ADCY9: variants seen among roughly 807,000 people sequenced by gnomAD.
ADCY9 encodes adenylate cyclase type 9.
A neutral mutation model predicts 101.5 loss-of-function variants in ADCY9; 50 were observed. That is an observed-to-expected ratio of 0.49 (90% CI 0.39 to 0.62). ADCY9 has a LOEUF of 0.62. ADCY9 is among the 20% of genes least tolerant of loss of function. The pLI, the probability that ADCY9 is intolerant of heterozygous loss-of-function variation, is 0.00. For missense variants in ADCY9, 1,662 were observed against 1,800.4 expected, an observed-to-expected ratio of 0.92 and a Z score of 1.39; for synonymous variants, 905 against 769.3, an observed-to-expected ratio of 1.18 and a Z score of -2.92.
rs113410021 is a variant in ADCY9, at chr16:3,966,498, C to T, written c.3339G>A (p.Thr1113=). The T allele has an allele frequency of 1.2e-5, 20 of 1,614,028 alleles. No homozygotes were observed. Among genetic ancestry groups the T allele is most frequent in the African/African-American group, 2.7e-5 (2 of 74,928 alleles). ...SIEKIKTIGA[T]YMAASGLNTA... The stretch of plus-strand genomic sequence containing the variant: ...TGTTCAGCCCTGACGCCGCCATGTA[C>T]GTGGCTCCGATGGTCTTGATCTTCT... The change falls in exon 11 of 11, where the codon ACG becomes ACA. Residue 1113 remains threonine, a synonymous_variant. Transcript: ENST00000294016.
chr16:4,014,135 A>G (rs952774785), intron 2 of ADCY9, among the ~76,000 whole-genome samples: 6 of 152,238 alleles, frequency 3.9e-5, no homozygotes, highest in South Asian at 2.1e-4. Context: ...CCTGGCCAAC[A>G]TGGCGAAATC....
chr16:4,067,684 G>C (rs1484521525), intron 2 of ADCY9, among the ~76,000 whole-genome samples: 2 of 152,186 alleles, frequency 1.3e-5, no homozygotes, highest in Non-Finnish European at 2.9e-5. Context: ...GATCAGCACA[G>C]CCTGCAGCTG....
intron 2 of ADCY9, among the ~76,000 whole-genome samples, chr16:4,029,466 G>T (rs540698976): frequency 1.3e-5 from 2 of 152,326 alleles, no homozygotes; most frequent in Admixed American, 1.3e-4. Flanking sequence ...TCAGTAAGAG[G>T]CCAGGCCCGG....
In ADCY9 at chr16:4,114,221, C is replaced by G. The variant is rs1321227540; in HGVS notation, c.1222G>C (p.Ala408Pro). The G allele has an allele frequency of 6.2e-7, 1 of 1,613,830 alleles. No individual in the cohort carries two copies. Among genetic ancestry groups the G allele is most frequent in the Admixed American group, 1.7e-5 (1 of 59,994 alleles). The change falls in exon 2 of 11, where the codon GCC becomes CCC. Residue 408 changes from alanine to proline, a missense_variant. Transcript: ENST00000294016. This position sits in a 1 kb window ranked among gnomAD's most constrained non-coding sequence, Gnocchi z 4.3. ...ACCAGGGCGTGGGCAGACTTGTTGG[C>G]ACTCATCTTGGTGAAGCCCACGATA... ...ADIVGFTKMS[A>P]NKSAHALVGL...
chr16:4,004,251 T>TAAAAAAA (rs71133681), intron 3 of ADCY9, among the ~76,000 whole-genome samples: 3 of 107,712 alleles, frequency 2.8e-5, no homozygotes, highest in Non-Finnish European at 3.5e-5. Context: ...CCCATCTCTT[T>TAAAAAAA]AAAAAAAAAA....
Position 3,992,398 on chromosome 16 carries a change from G to C in ADCY9, c.1990-35C>G, listed in dbSNP as rs115162267. On this transcript the variant is annotated intron_variant, in intron 4 of 10. Transcript: ENST00000294016. The surrounding 1 kb of genome is among the most constrained non-coding windows in gnomAD (Gnocchi z 4.2). The stretch of plus-strand genomic sequence containing the variant: ...GACAAAGAGGACGCAGACACGGGAA[G>C]TGAAGTGGCACCGGGCACTGGGCAC... 12 of 1,597,218 alleles carry C rather than the reference G, an allele frequency of 7.5e-6. No homozygotes were observed. Among genetic ancestry groups the C allele is most frequent in the Admixed American group, 1.7e-5 (1 of 59,568 alleles).
rs557857171 is a variant in ADCY9 at position 4,018,859 on chromosome 16, T to C, written c.1694-11301A>G. ...TTTCTCCTGAGATATCTCTGCTATC[T>C]CTAATTTCACTTCAGCAGCACTGGT... is the stretch of plus-strand genomic sequence containing the variant. On this transcript the variant is annotated intron_variant, in intron 2 of 10. Transcript: ENST00000294016. Among the ~76,000 whole-genome samples the C allele has an allele frequency of 3.3e-5, 5 of 152,230 alleles. No homozygotes were observed. In the South Asian group the frequency reaches 1.0e-3, roughly 32 times the overall value.
rs373275483 is a variant in ADCY9, at chr16:4,011,414, C to G, written c.1694-3856G>C. Among the ~76,000 whole-genome samples, 8 of 152,182 alleles carry G rather than the reference C, an allele frequency of 5.3e-5. No homozygotes were observed. The East Asian group carries it at 7.7e-4, about 15-fold the overall frequency. On this transcript the variant is annotated intron_variant, in intron 2 of 10. Coordinates refer to ENST00000294016, the MANE Select transcript of ADCY9 (RefSeq NM_001116.4). ...GGAGAAAGAAGAGCCACATAGGAGG[C>G]ATGAGGCGTAGGACAAGCCAGGGAG...
At chr16:4,010,187 C>A (rs1340666485) in intron 2 of ADCY9, among the ~76,000 whole-genome samples, 1 of 152,238 alleles carries the variant, frequency 6.6e-6, no homozygotes, top group Non-Finnish European at 1.5e-5. Flanking sequence ...GGAGCATGAA[C>A]TGGGCTGCCT....
In ADCY9 at chr16:4,113,819, G is replaced by A. The variant is rs2057129152; in HGVS notation, c.1624C>T (p.Arg542Trp). 6.2e-7 allele frequency: 1 copy of A among 1,614,106 alleles called. No homozygotes were observed. The highest frequency in any genetic ancestry group is 2.2e-5 in the East Asian group (1 of 44,884). ...SEATAKYLDD[R>W]YEMEDGKVIE... is the part of the protein sequence containing the mutation. ...ACTTTCCCATCTTCCATTTCGTACC[G>A]GTCATCTAAGTATTTTGCGGTGGCC... Residue 542 changes from arginine (R) to tryptophan (W), a missense_variant, in exon 2 of 11, where the codon CGG (arginine) becomes TGG (tryptophan). Around this residue, in one of 5 missense-constraint regions of ADCY9, gnomAD observed 624 missense variants for 639.1 expected, o/e 0.98. Coordinates refer to ENST00000294016, the MANE Select transcript of ADCY9 (RefSeq NM_001116.4).
intron 5 of ADCY9, among the ~76,000 whole-genome samples, chr16:3,953,770 C>T (rs967207489): frequency 6.6e-6 from 1 of 152,200 alleles, no homozygotes; most frequent in Admixed American, 6.5e-5. Flanking sequence ...AAGTCAGAAG[C>T]CTGCTTGAAC....
chr16:4,071,261 C>T (rs1034837351), intron 2 of ADCY9, among the ~76,000 whole-genome samples: 1 of 132,566 alleles, frequency 7.5e-6, no homozygotes, highest in African/African-American at 2.8e-5. Context: ...ACCCGGGAAG[C>T]GGAGGTTGCA....
At chr16:4,073,885 GATTTTCAAAATA>G (rs1432342805) in intron 2 of ADCY9, among the ~76,000 whole-genome samples, 8 of 152,104 alleles carry the variant, frequency 5.3e-5, no homozygotes, top group Admixed American at 1.3e-4. Context: ...AAAGAAGAAA[GATTTTCAAAATA>G]ATTTTCAAAA....
intron 2 of ADCY9, among the ~76,000 whole-genome samples, chr16:4,049,123 A>C (rs1222315090): frequency 6.6e-6 from 1 of 152,150 alleles, no homozygotes; most frequent in African/African-American, 2.4e-5. Context: ...AGGCATTACA[A>C]ACTGGAATTC....
chr16:3,968,221 C>T (rs187785231), intron 10 of ADCY9, among the ~76,000 whole-genome samples: 1 of 151,602 alleles, frequency 6.6e-6, no homozygotes, highest in Admixed American at 6.6e-5. Flanking sequence ...CAACCTCCGC[C>T]TCCCGGGTTC....
chr16:4,065,789 G>A (rs1038377176), intron 2 of ADCY9, among the ~76,000 whole-genome samples: 12 of 152,146 alleles, frequency 7.9e-5, no homozygotes, highest in Non-Finnish European at 1.3e-4. Flanking sequence ...GGCTGATCTC[G>A]AACTCCTGAC....
chr16:4,100,755 A>G (rs932196901), intron 2 of ADCY9, among the ~76,000 whole-genome samples: 1 of 151,530 alleles, frequency 6.6e-6, no homozygotes, highest in Non-Finnish European at 1.5e-5. Flanking sequence ...AAAAAAAAAA[A>G]AAAGAAAAGA....
chr16:4,024,614 A>G (rs1405068796), intron 2 of ADCY9, among the ~76,000 whole-genome samples: 1 of 151,966 alleles, frequency 6.6e-6, no homozygotes, highest in East Asian at 1.9e-4. Flanking sequence ...ATGGCTCCGG[A>G]GGTGTCAGGA....
At chr16:4,088,398 C>T (rs550784495) in intron 2 of ADCY9, among the ~76,000 whole-genome samples, 2 of 151,956 alleles carry the variant, frequency 1.3e-5, no homozygotes, top group East Asian at 1.9e-4. Context: ...CTCAAGCGAC[C>T]CTCCCACCTC....
Sources: allele counts gnomAD v4.1 joint callset (sites outside exome capture counted in the v4.1 genomes callset), GRCh38; gene constraint gnomAD v4.1.1; regional missense constraint gnomAD v4.1.1; non-coding constraint Gnocchi (gnomAD v3.1); transcripts MANE v1.5; gene names NCBI Gene and HGNC (gene_info 2026-07-23, HGNC 2026-07-21).